PFDN1: variants seen among roughly 807,000 people sequenced by gnomAD.
PFDN1 encodes prefoldin subunit 1, also known as prefoldin 1.
PFDN1 carries 6 observed loss-of-function variants against 17.3 expected under a neutral mutation model. The ratio of observed to expected loss-of-function variants is 0.35; its 90% CI spans 0.19 to 0.69. The LOEUF is 0.69. Ranked by LOEUF, PFDN1 falls within the 30% of genes least tolerant of loss-of-function variation. PFDN1 has a pLI of 0.65. For synonymous variants in PFDN1, 58 were observed against 50.1 expected (o/e 1.16, Z -0.67); for missense variants, 113 against 146.2 (o/e 0.77, Z 1.17).
At chr5:140,294,302 A>G (rs1024371743) in intron 2 of PFDN1, among the ~76,000 whole-genome samples, 2 of 152,070 alleles carry the variant, frequency 1.3e-5, no homozygotes, top group Admixed American at 6.6e-5. Context: ...AACAATATCA[A>G]TAATATTTAC....
chr5:140,252,218 T>A (rs1764925101), intron 3 of PFDN1, among the ~76,000 whole-genome samples: 1 of 151,918 alleles, frequency 6.6e-6, no homozygotes, highest in African/African-American at 2.4e-5. Flanking sequence ...TAAATGGAGC[T>A]CAGAGGAGAG....
At chr5:140,273,244 CAAAAAAAAA>C in intron 3 of PFDN1, among the ~76,000 whole-genome samples, 1 of 67,258 alleles carries the variant, frequency 1.5e-5, no homozygotes. Flanking sequence ...GACTCCATCT[CAAAAAAAAA>C]AAAAAAAAGA....
chr5:140,275,940 A>C (rs563198169), intron 3 of PFDN1, among the ~76,000 whole-genome samples: 50 of 152,324 alleles, frequency 3.3e-4, no homozygotes, highest in Middle Eastern at 6.8e-3. Context: ...AAATAGAAAT[A>C]GCATGGCCTT....
intron 2 of PFDN1, among the ~76,000 whole-genome samples, chr5:140,298,004 C>A (rs745871345): frequency 2.6e-5 from 4 of 152,130 alleles, no homozygotes; most frequent in Non-Finnish European, 4.4e-5. Context: ...ATAAAATTAT[C>A]CTGTAGTGAA....
At chr5:140,273,853 T>C in intron 3 of PFDN1, 1 of 966,304 alleles carries the variant, frequency 1.0e-6, no homozygotes, top group Non-Finnish European at 1.2e-6. Flanking sequence ...AGGAAGCTGG[T>C]GAACCTGTAT....
rs534284996 is a variant in PFDN1 at position 140,249,689 on chromosome 5, C to A, written c.286-3632G>T. ...TGCTTCTGGAGAGGGTTTCTGGCTG[C>A]TTGCATTCGTGGTGGAAGGCGAAGG... On this transcript the variant is annotated intron_variant, in intron 3 of 3. Transcript: ENST00000261813. Among the ~76,000 whole-genome samples, 5 of 152,280 alleles carry A rather than the reference C, an allele frequency of 3.3e-5. No individual in the cohort carries two copies. The South Asian group carries it at 1.0e-3, about 32-fold the overall frequency.
At chr5:140,275,487 G>A (rs1765277473) in intron 3 of PFDN1, among the ~76,000 whole-genome samples, 1 of 152,004 alleles carries the variant, frequency 6.6e-6, no homozygotes, top group Non-Finnish European at 1.5e-5. Context: ...TAACATGAGG[G>A]CAAGTAGTAC....
At chr5:140,302,340 G>A (rs1765760948) in intron 1 of PFDN1, among the ~76,000 whole-genome samples, 1 of 152,106 alleles carries the variant, frequency 6.6e-6, no homozygotes, top group Non-Finnish European at 1.5e-5. Flanking sequence ...TTCTTAGATA[G>A]CAAAAATCTG....
intron 3 of PFDN1, among the ~76,000 whole-genome samples, chr5:140,277,590 C>T (rs971482367): frequency 7.9e-5 from 12 of 151,634 alleles, no homozygotes; most frequent in Non-Finnish European, 1.0e-4. Context: ...ATTAGCCACG[C>T]GTGGTAGCAT....
chr5:140,288,388 C>T (rs147772225), intron 2 of PFDN1, among the ~76,000 whole-genome samples: 2 of 152,066 alleles, frequency 1.3e-5, no homozygotes, highest in African/African-American at 2.4e-5. Flanking sequence ...GTAAAAAGGT[C>T]AGTGGTCACC....
At chr5:140,281,344 A>C (rs1294421250) in intron 3 of PFDN1, 105 bp downstream of exon 3, 2 of 632,296 alleles carry the variant, frequency 3.2e-6, no homozygotes, top group Non-Finnish European at 5.6e-6. Context: ...AATAAAAATA[A>C]TATGACATTA....
intron 3 of PFDN1, among the ~76,000 whole-genome samples, chr5:140,277,112 C>T (rs935849497): frequency 7.9e-5 from 12 of 151,952 alleles, no homozygotes; most frequent in African/African-American, 2.9e-4. Context: ...GTCCCAGCTA[C>T]TCAGGAGGCT....
chr5:140,272,659 TAAAACTGTATTTTTG>T (rs1459505347), intron 3 of PFDN1, among the ~76,000 whole-genome samples: 4 of 152,096 alleles, frequency 2.6e-5, no homozygotes, highest in Non-Finnish European at 4.4e-5. Flanking sequence ...TGCCCGGCTG[TAAAACTGTATTTTTG>T]AAAAAGGAAA....
chr5:140,267,298 C>T (rs1172326051), intron 3 of PFDN1, among the ~76,000 whole-genome samples: 2 of 152,242 alleles, frequency 1.3e-5, no homozygotes, highest in African/African-American at 2.4e-5. Context: ...AACTCCCCCA[C>T]TTCTAACCAC....
At chr5:140,249,107 A>G (rs545181743) in intron 3 of PFDN1, among the ~76,000 whole-genome samples, 3 of 152,384 alleles carry the variant, frequency 2.0e-5, no homozygotes, top group Non-Finnish European at 4.4e-5. Flanking sequence ...ATTTAAGCCC[A>G]GAAGACTCTC....
intron 3 of PFDN1, among the ~76,000 whole-genome samples, chr5:140,279,988 T>A (rs1581092713): frequency 2.4e-5 from 1 of 42,488 alleles, no homozygotes; most frequent in Non-Finnish European, 3.8e-5. Flanking sequence ...AGAGCGAAAC[T>A]CCGTCTCAAA....
At chr5:140,301,369 T>TA (rs1440907637) in intron 1 of PFDN1, among the ~76,000 whole-genome samples, 3 of 152,244 alleles carry the variant, frequency 2.0e-5, no homozygotes, top group African/African-American at 4.8e-5. Context: ...TGCGTACACT[T>TA]ACTTAACTGG....
At chr5:140,264,328 CTAAG>C (rs760964460) in intron 3 of PFDN1, among the ~76,000 whole-genome samples, 30 of 152,126 alleles carry the variant, frequency 2.0e-4, no homozygotes, top group Non-Finnish European at 4.1e-4. Context: ...ATACCAAACA[CTAAG>C]TATGTCATTT....
At chr5:140,297,562 T>C (rs1765673307) in intron 2 of PFDN1, among the ~76,000 whole-genome samples, 1 of 152,196 alleles carries the variant, frequency 6.6e-6, no homozygotes, top group South Asian at 2.1e-4. Context: ...AACAGAAGTC[T>C]GAAATCATGT....
Sources: allele counts gnomAD v4.1 joint callset (sites outside exome capture counted in the v4.1 genomes callset), GRCh38; gene constraint gnomAD v4.1.1; transcripts MANE v1.5; gene names NCBI Gene and HGNC (gene_info 2026-07-23, HGNC 2026-07-21).